ITGA9: variants seen among roughly 807,000 people sequenced by gnomAD.
ITGA9 encodes the protein integrin alpha-9.
In ITGA9, 56 loss-of-function variants were observed where a neutral mutation model predicts 127.8. The observed-to-expected ratio is 0.44, with a 90% CI of 0.35 to 0.55. The LOEUF (loss-of-function observed/expected upper bound fraction) is 0.55, where lower values mean the gene tolerates loss of function less well. ITGA9 is among the 20% of genes least tolerant of loss of function. The pLI is 0.00. For missense variants in ITGA9, 1,196 were observed against 1,347.1 expected (o/e 0.89, Z 1.76); for synonymous variants, 508 against 514.5 (o/e 0.99, Z 0.17).
chr3:37,614,479 T>C (rs1422979106), intron 15 of ITGA9, among the ~76,000 whole-genome samples: 4 of 152,078 alleles, frequency 2.6e-5, no homozygotes, highest in Admixed American at 2.6e-4. Flanking sequence ...AACTTGAAAG[T>C]AGTTTTTTCC....
intron 5 of ITGA9, among the ~76,000 whole-genome samples, chr3:37,498,810 A>G (rs942390713): frequency 6.6e-6 from 1 of 152,194 alleles, no homozygotes; most frequent in Non-Finnish European, 1.5e-5. Flanking sequence ...CTCCTTAAAC[A>G]GGAGGTCTTT....
At chr3:37,747,681 C>A (rs955142732) in intron 22 of ITGA9, among the ~76,000 whole-genome samples, 4 of 149,182 alleles carry the variant, frequency 2.7e-5, no homozygotes, top group Admixed American at 6.7e-5. Context: ...TGATGTTTGT[C>A]TTTCTATATC....
intron 2 of ITGA9, among the ~76,000 whole-genome samples, chr3:37,472,639 G>A (rs1036279366): frequency 3.9e-5 from 6 of 151,972 alleles, no homozygotes; most frequent in Non-Finnish European, 8.8e-5. Context: ...CAAGTGAACC[G>A]CCCACCTCAG....
At chr3:37,682,469 G>A in intron 17 of ITGA9, among the ~76,000 whole-genome samples, 1 of 152,210 alleles carries the variant, frequency 6.6e-6, no homozygotes, top group East Asian at 1.9e-4. Flanking sequence ...CTCTAGCCAT[G>A]CTTTTCCAGT....
chr3:37,493,938 C>G (rs1037657077), intron 4 of ITGA9, among the ~76,000 whole-genome samples: 9 of 152,208 alleles, frequency 5.9e-5, no homozygotes, highest in African/African-American at 2.2e-4. Flanking sequence ...TGTTAGTTTT[C>G]TTTCCACCTG....
intron 17 of ITGA9, among the ~76,000 whole-genome samples, chr3:37,678,560 A>T (rs1700705021): frequency 6.6e-6 from 1 of 152,152 alleles, no homozygotes; most frequent in Non-Finnish European, 1.5e-5. Flanking sequence ...TGTAATGAGA[A>T]TTTTTTTAAT....
intron 16 of ITGA9, among the ~76,000 whole-genome samples, chr3:37,643,570 G>T (rs761474190): frequency 1.3e-5 from 2 of 152,092 alleles, no homozygotes; most frequent in Non-Finnish European, 2.9e-5. Context: ...GAAAATCATG[G>T]TTTCCTCAAA....
intron 15 of ITGA9, among the ~76,000 whole-genome samples, chr3:37,606,593 C>T (rs1699970726): frequency 6.6e-6 from 1 of 152,146 alleles, no homozygotes; most frequent in Non-Finnish European, 1.5e-5. Flanking sequence ...AGATCATCAC[C>T]AGGATTTGAG....
At chr3:37,772,260 T>G (rs1481143145) in intron 23 of ITGA9, among the ~76,000 whole-genome samples, 1 of 151,906 alleles carries the variant, frequency 6.6e-6, no homozygotes, top group Non-Finnish European at 1.5e-5. Flanking sequence ...CCAAAAAGCT[T>G]AGCCAGGCAT....
chr3:37,457,647 C>G (rs1324196901), intron 1 of ITGA9, among the ~76,000 whole-genome samples: 1 of 152,172 alleles, frequency 6.6e-6, no homozygotes, highest in Non-Finnish European at 1.5e-5. Flanking sequence ...CTCACTCACC[C>G]TACAGAGCCT....
intron 23 of ITGA9, among the ~76,000 whole-genome samples, chr3:37,769,549 G>A (rs1222181578): frequency 6.6e-6 from 1 of 151,964 alleles, no homozygotes; most frequent in African/African-American, 2.4e-5. Context: ...CTGTGTCCAG[G>A]CCCATCTCCC....
At chr3:37,572,740 G>A (rs901033305) in intron 15 of ITGA9, among the ~76,000 whole-genome samples, 4 of 152,286 alleles carry the variant, frequency 2.6e-5, no homozygotes, top group South Asian at 2.1e-4. Flanking sequence ...GTTATGTTTT[G>A]TAGATGCTAA....
chr3:37,731,135 C>T (rs2125527803), intron 18 of ITGA9, among the ~76,000 whole-genome samples: 1 of 152,328 alleles, frequency 6.6e-6, no homozygotes, highest in East Asian at 1.9e-4. Flanking sequence ...TAAAAATGCT[C>T]ATCCCAGACC....
At chr3:37,570,954 C>T (rs1699594032) in intron 15 of ITGA9, among the ~76,000 whole-genome samples, 2 of 152,220 alleles carry the variant, frequency 1.3e-5, no homozygotes, top group South Asian at 4.1e-4. Context: ...ATAAATTAAG[C>T]CTGCCATTCT....
intron 17 of ITGA9, among the ~76,000 whole-genome samples, chr3:37,681,746 T>G (rs1349962042): frequency 1.3e-5 from 2 of 152,194 alleles, no homozygotes; most frequent in Middle Eastern, 3.4e-3. Context: ...TCTTCATCCT[T>G]GTCATCTTCA....
chr3:37,699,910 C>G (rs1238539459), intron 18 of ITGA9, among the ~76,000 whole-genome samples: 2 of 152,204 alleles, frequency 1.3e-5, no homozygotes, highest in Non-Finnish European at 2.9e-5. Context: ...AAATATCCTA[C>G]TACTCCAAAC....
chr3:37,702,798 C>T (rs994103140), intron 18 of ITGA9, among the ~76,000 whole-genome samples: 2 of 151,982 alleles, frequency 1.3e-5, no homozygotes, highest in African/African-American at 2.4e-5. Flanking sequence ...CCTCCTTGCC[C>T]GGGCATCTTC....
chr3:37,506,062 C>T lies in ITGA9; in HGVS notation c.805C>T (p.Pro269Ser), dbSNP rs144367808. 72 of 1,609,974 alleles carry T rather than the reference C, an allele frequency of 4.5e-5. No individual in the cohort carries two copies. The highest frequency in any genetic ancestry group is 5.5e-5 in the Non-Finnish European group (65 of 1,178,332). The change falls in exon 7 of 28, where the codon CCA becomes TCA. Residue 269 changes from proline to serine, a missense_variant. By Grantham distance (74) the Pro-to-Ser change is moderately conservative. Coordinates refer to ENST00000264741, the MANE Select transcript of ITGA9 (RefSeq NM_002207.3). Reference sequence around the variant, plus strand: ...CACCATTGATGTGGTAGGAGGTGCCCCACAGGACAAAGGCATCGGCAAGGT... The same window carrying T: ...CACCATTGATGTGGTAGGAGGTGCCTCACAGGACAAAGGCATCGGCAAGGT... ...PSTIDVVGGA[P>S]QDKGIGKVYI... is the part of the protein sequence containing the mutation.
intron 15 of ITGA9, among the ~76,000 whole-genome samples, chr3:37,593,729 G>A (rs1305633001): frequency 2.6e-5 from 4 of 152,196 alleles, no homozygotes; most frequent in African/African-American, 7.2e-5. Context: ...ATCCAGTGGC[G>A]ATGTCTCCCC....
Sources: allele counts gnomAD v4.1 joint callset (sites outside exome capture counted in the v4.1 genomes callset), GRCh38; gene constraint gnomAD v4.1.1; transcripts MANE v1.5; gene names NCBI Gene and HGNC (gene_info 2026-07-23, HGNC 2026-07-21).